The following PHF6 variants were observed in gnomAD, a reference collection of about 807,000 sequenced individuals.
PHF6 encodes PHD finger protein 6, also known as PHD-like zinc finger protein.
Under a neutral mutation model 34.0 loss-of-function variants are expected in PHF6, and 7 were observed. The observed-to-expected ratio is 0.21, with a 90% CI of 0.12 to 0.39. The LOEUF (loss-of-function observed/expected upper bound fraction) is 0.39, where lower values mean the gene tolerates loss of function less well. PHF6 is among the 10% of genes least tolerant of loss of function. The probability of loss-of-function intolerance (pLI) is 1.00; values close to 1 mark genes in which losing one functional copy is unlikely to be tolerated. For synonymous variants in PHF6, 89 were observed against 88.4 expected, an observed-to-expected ratio of 1.01 and a Z score of -0.04; for missense variants, 128 against 262.8, an observed-to-expected ratio of 0.49 and a Z score of 3.55.
At chrX:134,403,758 C>T (rs1038206640) in intron 5 of PHF6, among the ~76,000 whole-genome samples, 7 of 111,724 alleles carry the variant, frequency 6.3e-5, no homozygotes, top group African/African-American at 2.3e-4. Context: ...AACCAATCCT[C>T]ATTTACCATT....
chrX:134,405,480 T>G (rs2077419167), intron 5 of PHF6, among the ~76,000 whole-genome samples: 1 of 111,862 alleles, frequency 8.9e-6, no homozygotes, highest in Admixed American at 9.5e-5. Flanking sequence ...ATTACAGGCG[T>G]GAGCCACCGC....
At chrX:134,374,758 A>T (rs186481985) in intron 1 of PHF6, among the ~76,000 whole-genome samples, 13 of 112,586 alleles carry the variant, frequency 1.2e-4, no homozygotes, top group Non-Finnish European at 2.3e-4. Context: ...CTTCAGCTTA[A>T]CTAATCTAGC....
chrX:134,394,662 C>T (rs1421746627), intron 5 of PHF6, among the ~76,000 whole-genome samples: 2 of 106,855 alleles, frequency 1.9e-5, no homozygotes, highest in Non-Finnish European at 1.9e-5. Context: ...GCCTCAGCCT[C>T]CCGAGTAGCT....
rs1339423416 is a variant in PHF6 at position 134,396,831 on chromosome X, T to A, written c.418+2879T>A. On this transcript the variant is annotated intron_variant, in intron 5 of 10. Coordinates refer to ENST00000370803, the MANE Select transcript of PHF6 (RefSeq NM_001015877.2). The stretch of plus-strand genomic sequence containing the variant: ...TCTCCTTTACGATCATGGTTTATGA[T>A]GGGAGGTTATAGGATTGTATTTCAG... Among the ~76,000 whole-genome samples the A allele has an allele frequency of 1.9e-5, 2 of 107,362 alleles. 1 individual carries two copies. Among genetic ancestry groups the A allele is most frequent in the East Asian group, 5.8e-4 (2 of 3,439 alleles). The allele number at this position is 107,362 out of a possible 115,157, so 93.2% of individuals were successfully genotyped here. A position where few individuals can be genotyped will look rare whatever the true frequency, so the allele number is the denominator to read the frequency against.
intron 3 of PHF6, among the ~76,000 whole-genome samples, chrX:134,392,403 A>G (rs1402419206): frequency 1.8e-5 from 2 of 112,265 alleles, no homozygotes; most frequent in East Asian, 2.8e-4. Context: ...GTACATTATG[A>G]TATGTTAATC....
At chrX:134,386,485 A>ACTGCAACCTCCGTCTCC in intron 3 of PHF6, among the ~76,000 whole-genome samples, 1 of 106,664 alleles carries the variant, frequency 9.4e-6, no homozygotes, top group East Asian at 2.9e-4. Context: ...ATCTTGGCTC[A>ACTGCAACCTCCGTCTCC]CTGCAACCTC....
At chrX:134,379,649 T>A (rs920099393) in intron 3 of PHF6, among the ~76,000 whole-genome samples, 1 of 109,532 alleles carries the variant, frequency 9.1e-6, no homozygotes, top group African/African-American at 3.3e-5. Flanking sequence ...ACCATGTTGG[T>A]CAGGCTGGTC....
At chrX:134,403,945 T>G in intron 5 of PHF6, among the ~76,000 whole-genome samples, 1 of 112,206 alleles carries the variant, frequency 8.9e-6, no homozygotes, top group Middle Eastern at 4.6e-3. Context: ...TGACAATGCA[T>G]CTGGTCACCC....
intron 3 of PHF6, among the ~76,000 whole-genome samples, chrX:134,378,416 G>A (rs773087635): frequency 5.1e-4 from 57 of 111,851 alleles, no homozygotes; most frequent in African/African-American, 1.7e-3. Flanking sequence ...TTGTGTTAAA[G>A]TCTTCATTCA....
chrX:134,411,039 G>T (rs1189140511), intron 5 of PHF6, among the ~76,000 whole-genome samples: 1 of 106,601 alleles, frequency 9.4e-6, no homozygotes, highest in African/African-American at 3.4e-5. Context: ...TGCAAGCTCC[G>T]CCTCCTGGGT....
chrX:134,425,947 T>A lies in PHF6; in HGVS notation c.*287T>A, dbSNP rs41304496. ...AACAGTTAAAGCAGACGAAACGAAG[T>A]AAGCTATATTTCTGGACTGAACAAA... On this transcript the variant is annotated 3_prime_UTR_variant, in exon 11 of 11. Transcript: ENST00000370803. 6.1e-6 allele frequency: 1 copy of A among 164,202 alleles called. No individual in the cohort carries two copies. Among genetic ancestry groups the A allele is most frequent in the Non-Finnish European group, 1.2e-5 (1 of 84,694 alleles). 13.5% of individuals were successfully genotyped at this position (164,202 alleles called of 1,213,427 possible). A position where few individuals can be genotyped will look rare whatever the true frequency, so the allele number is the denominator to read the frequency against.
At position 134,377,480 on chromosome X, in the gene PHF6, A is replaced by T. The variant is rs184825173; in HGVS notation, c.-46-92A>T. 1.0e-5 allele frequency: 7 copies of T among 680,321 alleles called. No individual in the cohort carries two copies. In the Admixed American group the frequency reaches 1.7e-4, roughly 17 times the overall value. The allele number at this position is 680,321 out of a possible 1,213,427, so 56.1% of individuals were successfully genotyped here. On this transcript the variant is annotated intron_variant, in intron 1 of 10. Coordinates refer to ENST00000370803, the MANE Select transcript of PHF6 (RefSeq NM_001015877.2). ...TAAACATTTAAAAATGTGTATATTA[A>T]AACCTAGGTCAAATTTTTAACAACT... is the stretch of plus-strand genomic sequence containing the variant.
intron 5 of PHF6, among the ~76,000 whole-genome samples, chrX:134,399,009 C>T (rs753755421): frequency 1.8e-4 from 20 of 111,090 alleles, no homozygotes; most frequent in African/African-American, 6.5e-4. Context: ...AGGACTGAGC[C>T]TTGAGGAACT....
intron 5 of PHF6, among the ~76,000 whole-genome samples, chrX:134,411,610 C>T (rs1357749526): frequency 1.8e-5 from 2 of 110,906 alleles, no homozygotes; most frequent in Non-Finnish European, 3.8e-5. Flanking sequence ...TAATAGATAA[C>T]TGAATATATT....
At chrX:134,394,036 T>G (rs2077365988) in intron 5 of PHF6, 84 bp downstream of exon 5, 5 of 888,730 alleles carry the variant, frequency 5.6e-6, no homozygotes, top group Non-Finnish European at 8.2e-6. Context: ...CTATATTAAT[T>G]TTAACCATAA....
chrX:134,386,063 C>T (rs1425085203), intron 3 of PHF6, among the ~76,000 whole-genome samples: 5 of 111,461 alleles, frequency 4.5e-5, no homozygotes, highest in Middle Eastern at 4.3e-3. Flanking sequence ...CCATAGAAAA[C>T]GAGAGTTGAA....
At chrX:134,419,884 A>G (rs2077484810) in intron 9 of PHF6, 1 of 112,205 alleles carries the variant, frequency 8.9e-6, no homozygotes. Context: ...AGCTGATGCA[A>G]GACAAAAAGA....
At chrX:134,381,427 AAG>A (rs1036699395) in intron 3 of PHF6, among the ~76,000 whole-genome samples, 8 of 110,934 alleles carry the variant, frequency 7.2e-5, no homozygotes, top group African/African-American at 2.0e-4. Flanking sequence ...AGGGGGGAAA[AAG>A]AGTGAAGAGC....
intron 3 of PHF6, among the ~76,000 whole-genome samples, chrX:134,381,673 T>G (rs765757848): frequency 3.5e-4 from 39 of 110,308 alleles, no homozygotes; most frequent in African/African-American, 1.3e-3. Context: ...TTTTTTGTAT[T>G]TAGTAGAGAC....
Sources: allele counts gnomAD v4.1 joint callset (sites outside exome capture counted in the v4.1 genomes callset), GRCh38; gene constraint gnomAD v4.1.1; transcripts MANE v1.5; gene names NCBI Gene and HGNC (gene_info 2026-07-23, HGNC 2026-07-21).